Variants in TTLL9 observed in about 807,000 individuals in gnomAD.
TTLL9 encodes probable tubulin polyglutamylase TTLL9.
In TTLL9, 47 loss-of-function variants were observed where a neutral mutation model predicts 65.6. The observed-to-expected ratio is 0.72, with a 90% CI of 0.57 to 0.91. TTLL9 has a LOEUF of 0.91. Among genes scored for constraint, TTLL9 ranks in the 40% least tolerant of loss-of-function variants. The pLI, the probability that TTLL9 is intolerant of heterozygous loss-of-function variation, is 0.00. For missense variants in TTLL9, 537 were observed against 568.8 expected, an observed-to-expected ratio of 0.94 and a Z score of 0.57; for synonymous variants, 179 against 204.8, an observed-to-expected ratio of 0.87 and a Z score of 1.07.
chr20:31,901,558 T>C (rs2063480989), intron 4 of TTLL9: 1 of 152,198 alleles, frequency 6.6e-6, no homozygotes, highest in Admixed American at 6.5e-5. Context: ...CACACGGTGG[T>C]CTACAAGGCC....
intron 7 of TTLL9, among the ~76,000 whole-genome samples, chr20:31,921,913 G>A (rs1284708754): frequency 6.6e-6 from 1 of 152,038 alleles, no homozygotes; most frequent in African/African-American, 2.4e-5. Flanking sequence ...CATGGCACAT[G>A]TATACATATG....
intron 8 of TTLL9, among the ~76,000 whole-genome samples, chr20:31,924,658 C>A (rs1568819503): frequency 6.6e-6 from 1 of 152,038 alleles, no homozygotes; most frequent in Non-Finnish European, 1.5e-5. Context: ...GATCATAGCT[C>A]ATGCAGCCTC....
chr20:31,931,575 A>G (rs2064012197), intron 10 of TTLL9, among the ~76,000 whole-genome samples: 1 of 152,086 alleles, frequency 6.6e-6, no homozygotes, highest in African/African-American at 2.4e-5. Flanking sequence ...ATGCCTGGCC[A>G]ATACTTGCTA....
intron 3 of TTLL9, among the ~76,000 whole-genome samples, chr20:31,889,227 A>G (rs1311309093): frequency 6.6e-6 from 1 of 152,152 alleles, no homozygotes; most frequent in Non-Finnish European, 1.5e-5. Context: ...GTGCTGGTAC[A>G]GTGGTTCAAT....
rs762630924 is a variant in TTLL9 at position 31,931,271 on chromosome 20, G to A, written c.749-2529G>A. 1.2e-3 allele frequency among the ~76,000 whole-genome samples: 187 copies of A among 151,714 alleles called. 2 individuals are homozygous for A. Among genetic ancestry groups the A allele is most frequent in the Non-Finnish European group, 9.9e-4 (67 of 67,922 alleles). ...ATTTTTAAATTTTTTATAGAGACTG[G>A]TCTCACTATGTTGCCCAGGCTGGTC... On this transcript the variant is annotated intron_variant, in intron 10 of 14. Transcript: ENST00000535842.
chr20:31,926,967 T>C (rs560334236), intron 10 of TTLL9, among the ~76,000 whole-genome samples: 1 of 151,652 alleles, frequency 6.6e-6, no homozygotes, highest in East Asian at 1.9e-4. Flanking sequence ...AAAAATAAAT[T>C]AGCCAGATGT....
At chr20:31,899,408 T>C (rs2063437618) in intron 4 of TTLL9, among the ~76,000 whole-genome samples, 1 of 152,116 alleles carries the variant, frequency 6.6e-6, no homozygotes, top group South Asian at 2.1e-4. Context: ...GGCAGGAGGA[T>C]TGCTTGAGTC....
In TTLL9 at chr20:31,944,219, A is replaced by G. The variant is rs901969196; in HGVS notation, c.*1198A>G. 6 of 159,730 alleles carry G rather than the reference A, an allele frequency of 3.8e-5. No homozygotes were observed. Among genetic ancestry groups the G allele is most frequent in the Non-Finnish European group, 6.9e-5 (5 of 72,048 alleles). 9.9% of individuals were successfully genotyped at this position (159,730 alleles called of 1,614,324 possible). On this transcript the variant is annotated 3_prime_UTR_variant, in exon 15 of 15. Coordinates refer to ENST00000535842, the MANE Select transcript of TTLL9 (RefSeq NM_001008409.5). ...TCCAGGCATGGACTCCAGGTTCCCTATTTCCAGAAGGAATGCGATTAGCTT... is the reference window on the plus strand; with the variant it reads ...TCCAGGCATGGACTCCAGGTTCCCTGTTTCCAGAAGGAATGCGATTAGCTT...
intron 4 of TTLL9, among the ~76,000 whole-genome samples, chr20:31,903,119 C>T (rs956920555): frequency 6.6e-6 from 1 of 152,078 alleles, no homozygotes; most frequent in East Asian, 1.9e-4. Context: ...ATCCTCCTGC[C>T]TCTGCCTCCC....
At chr20:31,903,500 T>C (rs2063506901) in intron 4 of TTLL9, among the ~76,000 whole-genome samples, 1 of 152,182 alleles carries the variant, frequency 6.6e-6, no homozygotes, top group African/African-American at 2.4e-5. Context: ...TCACCTATTT[T>C]TTCTTTTGTT....
At chr20:31,935,486 C>A (rs2064094430) in intron 12 of TTLL9, among the ~76,000 whole-genome samples, 1 of 152,190 alleles carries the variant, frequency 6.6e-6, no homozygotes, top group Non-Finnish European at 1.5e-5. Context: ...TGCTCCCCAC[C>A]AGCACTGCCA....
rs115309069 is a variant in TTLL9 at position 31,902,132 on chromosome 20, G to C, written c.206+3567G>C. ...CACTTTTTTTTTCCCCCACATACCT[G>C]CTGTGTCAAAACCACTATCTAATTC... On this transcript the variant is annotated intron_variant, in intron 4 of 14. Transcript: ENST00000535842. Among the ~76,000 whole-genome samples, 951 of 151,918 alleles carry C rather than the reference G, an allele frequency of 6.3e-3. 10 individuals are homozygous for C. The highest frequency in any genetic ancestry group is 0.022 in the African/African-American group (903 of 41,384).
intron 3 of TTLL9, among the ~76,000 whole-genome samples, chr20:31,889,956 A>T (rs556395249): frequency 6.6e-6 from 1 of 151,604 alleles, no homozygotes; most frequent in Non-Finnish European, 1.5e-5. Context: ...GGAGGGAAGA[A>T]TCAAGCCACA....
intron 3 of TTLL9, among the ~76,000 whole-genome samples, chr20:31,895,374 G>A (rs1283193836): frequency 6.6e-6 from 1 of 152,148 alleles, no homozygotes; most frequent in Non-Finnish European, 1.5e-5. Flanking sequence ...TCAGGCTAGT[G>A]TTCCTGTGTT....
At chr20:31,879,205 C>A (rs1365466609) in intron 2 of TTLL9, among the ~76,000 whole-genome samples, 1 of 152,126 alleles carries the variant, frequency 6.6e-6, no homozygotes, top group Non-Finnish European at 1.5e-5. Flanking sequence ...CCTGTAATCC[C>A]AGCTACTCGG....
intron 4 of TTLL9, 113 bp downstream of exon 4, chr20:31,898,678 G>A (rs2123465022): frequency 1.2e-6 from 1 of 818,218 alleles, no homozygotes; most frequent in Non-Finnish European, 2.0e-6. Context: ...TCCCAAAGTG[G>A]CTGTGACATT....
chr20:31,925,949 T>C (rs760207539), intron 9 of TTLL9, 100 bp from the exon 10 acceptor site: 38 of 1,569,606 alleles, frequency 2.4e-5, no homozygotes, highest in Middle Eastern at 1.7e-4. Flanking sequence ...CTGAACAGCA[T>C]TGATGACCAG....
intron 2 of TTLL9, among the ~76,000 whole-genome samples, chr20:31,873,882 A>AAGAG (rs1236459936): frequency 3.4e-5 from 5 of 146,702 alleles, no homozygotes; most frequent in African/African-American, 1.0e-4. Flanking sequence ...GAAAGAAAGA[A>AAGAG]AGAGAAAGAA....
At chr20:31,935,404 G>T (rs1462999097) in intron 12 of TTLL9, among the ~76,000 whole-genome samples, 1 of 152,204 alleles carries the variant, frequency 6.6e-6, no homozygotes, top group African/African-American at 2.4e-5. Flanking sequence ...CCCAGTGAGG[G>T]TCAGGGAGCT....
Sources: allele counts gnomAD v4.1 joint callset (sites outside exome capture counted in the v4.1 genomes callset), GRCh38; gene constraint gnomAD v4.1.1; transcripts MANE v1.5; gene names NCBI Gene and HGNC (gene_info 2026-07-23, HGNC 2026-07-21).